The following KCTD1 variants were observed in gnomAD, a reference collection of about 807,000 sequenced individuals.
The protein encoded by KCTD1 is potassium channel tetramerization domain containing 1, also known as BTB/POZ domain-containing protein KCTD1.
KCTD1 carries 24 observed loss-of-function variants against 66.0 expected under a neutral mutation model. That is an observed-to-expected ratio of 0.36 (90% confidence interval 0.26 to 0.51). KCTD1 has a LOEUF of 0.51. Among genes scored for constraint, KCTD1 ranks in the 20% least tolerant of loss-of-function variants. KCTD1 has a pLI of 0.95. For missense variants in KCTD1, 943 were observed against 1,205.2 expected, an observed-to-expected ratio of 0.78 and a Z score of 3.22; for synonymous variants, 511 against 517.2, an observed-to-expected ratio of 0.99 and a Z score of 0.16.
chr18:26,553,574 T>C (rs1985627612), intron 1 of KCTD1, among the ~76,000 whole-genome samples: 1 of 152,226 alleles, frequency 6.6e-6, no homozygotes, highest in Non-Finnish European at 1.5e-5. Flanking sequence ...CCAGCCTACC[T>C]GGGTGTGAAT....
At chr18:26,607,473 A>G (rs1376833708) in intron 1 of KCTD1, among the ~76,000 whole-genome samples, 1 of 152,232 alleles carries the variant, frequency 6.6e-6, no homozygotes, top group Admixed American at 6.5e-5. Flanking sequence ...TATCTTTTGC[A>G]CAAATGAAAA....
intron 1 of KCTD1, among the ~76,000 whole-genome samples, chr18:26,525,273 C>T (rs1031760763): frequency 6.6e-6 from 1 of 152,188 alleles, no homozygotes; most frequent in Non-Finnish European, 1.5e-5. Context: ...AGTGTCCCCA[C>T]AGATCAAATC....
At chr18:26,649,201 T>C (rs969443136) in intron 1 of KCTD1, among the ~76,000 whole-genome samples, 2 of 152,194 alleles carry the variant, frequency 1.3e-5, no homozygotes, top group Non-Finnish European at 2.9e-5. Context: ...ACTGGGTTAT[T>C]ATCTTTACTA....
chr18:26,617,394 A>G lies in KCTD1; in HGVS notation c.-16+11753T>C, dbSNP rs188631725. On this transcript the variant is annotated intron_variant, in intron 1 of 4. Coordinates refer to the KCTD1 transcript ENST00000317932. The stretch of plus-strand genomic sequence containing the variant: ...TGTATCATAGCTGACGCTCCTCAAC[A>G]TATCTCTCTCCCATGCCGTGTTTGA... Among the ~76,000 whole-genome samples the G allele has an allele frequency of 2.6e-4, 40 of 152,324 alleles. 2 individuals carry two copies. The East Asian group carries it at 5.8e-3, about 22-fold the overall frequency.
intron 1 of KCTD1, among the ~76,000 whole-genome samples, chr18:26,512,391 C>A (rs1567974792): frequency 6.6e-6 from 1 of 151,762 alleles, no homozygotes; most frequent in Non-Finnish European, 1.5e-5. Context: ...GTGTGAGCCA[C>A]CGCACCTGGC....
rs1985369288 is a variant in KCTD1 at position 26,548,351 on chromosome 18, C to CTCCTCCTCT, written c.177_185dup (p.Glu61_Glu63dup). 1.2e-5 allele frequency: 18 copies of CTCCTCCTCT among 1,490,070 alleles called. No homozygotes were observed. Among genetic ancestry groups the CTCCTCCTCT allele is most frequent in the Non-Finnish European group, 1.6e-5 (18 of 1,121,852 alleles). 92.3% of individuals were successfully genotyped at this position (1,490,070 alleles called of 1,614,324 possible). A position where few individuals can be genotyped will look rare whatever the true frequency, so the allele number is the denominator to read the frequency against. On this transcript the variant is annotated inframe_insertion, in exon 1 of 5. Transcript: ENST00000580059. ...TCTGCACCTCCTGGATCTCGTCCTC[C>CTCCTCCTCT]TCCTCCTCTTCCTCCTCCTCCTCGC...
At chr18:26,572,921 T>G (rs1195512443) in intron 1 of KCTD1, among the ~76,000 whole-genome samples, 2 of 152,126 alleles carry the variant, frequency 1.3e-5, no homozygotes, top group African/African-American at 4.8e-5. Flanking sequence ...GGAAATGATT[T>G]TATATTAAGT....
At chr18:26,519,718 C>T (rs762182070) in intron 1 of KCTD1, among the ~76,000 whole-genome samples, 4 of 152,184 alleles carry the variant, frequency 2.6e-5, no homozygotes, top group Non-Finnish European at 4.4e-5. Flanking sequence ...TGATTACCAC[C>T]TCTCTCTCTA....
chr18:26,499,447 A>G (rs79478869), intron 2 of KCTD1, among the ~76,000 whole-genome samples: 1,838 of 152,342 alleles, frequency 0.012, 36 homozygotes, highest in African/African-American at 0.042. Context: ...ATAGATGACT[A>G]ATACAATCAT....
chr18:26,486,443 C>T (rs370130669), intron 2 of KCTD1, among the ~76,000 whole-genome samples: 10 of 152,204 alleles, frequency 6.6e-5, no homozygotes, highest in East Asian at 1.9e-4. Context: ...TTCTTCATCT[C>T]GCAGTTGCGC....
intron 1 of KCTD1, among the ~76,000 whole-genome samples, chr18:26,509,846 C>T (rs911851580): frequency 1.3e-5 from 2 of 152,166 alleles, no homozygotes; most frequent in Admixed American, 6.5e-5. Context: ...CTCAGCCGCC[C>T]GCCCCGTGCG....
At chr18:26,651,799 A>AAAGAAGAAGAAGAAGAAG (rs10530531) in intron 1 of KCTD1, among the ~76,000 whole-genome samples, 1 of 117,146 alleles carries the variant, frequency 8.5e-6, no homozygotes, top group African/African-American at 3.6e-5. Context: ...AAAAAAAAAA[A>AAAGAAGAAGAAGAAGAAG]AAGAAGAAGA....
At chr18:26,632,167 T>C (rs1053194497), upstream of KCTD1, among the ~76,000 whole-genome samples, 6 of 150,710 alleles carry the variant, frequency 4.0e-5, no homozygotes, top group Non-Finnish European at 8.9e-5. Context: ...GGCAGATCAC[T>C]TGAGGTCAGG....
intron 1 of KCTD1, among the ~76,000 whole-genome samples, chr18:26,539,662 C>T (rs1984881092): frequency 6.6e-6 from 1 of 152,204 alleles, no homozygotes. Context: ...ACAGTGCTCC[C>T]CCATTTACTC....
rs776923644 is a variant in KCTD1, at chr18:26,570,191, A to AAAT, written c.-16+58955_-16+58956insATT. ...ACAGAGCAAGACTCCATCTAAAAAA[A>AAAT]ATATATATATATATATATATATATG... is the stretch of plus-strand genomic sequence containing the variant. On this transcript the variant is annotated intron_variant, in intron 1 of 4. Coordinates refer to the KCTD1 transcript ENST00000317932. Among the ~76,000 whole-genome samples, 573 of 132,534 alleles carry AAAT rather than the reference A, an allele frequency of 4.3e-3. 4 individuals are homozygous for AAAT. The highest frequency in any genetic ancestry group is 0.013 in the African/African-American group (507 of 37,652). The allele number at this position is 132,534 out of a possible 152,430, so 86.9% of individuals were successfully genotyped here. A position where few individuals can be genotyped will look rare whatever the true frequency, so the allele number is the denominator to read the frequency against.
chr18:26,528,576 T>C (rs1030777876), intron 1 of KCTD1, among the ~76,000 whole-genome samples: 6 of 152,178 alleles, frequency 3.9e-5, no homozygotes, highest in African/African-American at 1.2e-4. Context: ...CTCTGCTGCC[T>C]GCCTCCTTGA....
chr18:26,547,634 G>C lies in KCTD1; in HGVS notation c.903C>G (p.Asn301Lys). ...CCTTGTTGAGCAGCCCGAAGGGCGT[G>C]TTGGTGCTGAAGACGCTGGAGGTGT... ...KLYTSSVFST[N>K]TPFGLLNKVW... is the part of the protein sequence containing the mutation. The change falls in exon 1 of 5, where the codon AAC becomes AAG. Residue 301 changes from asparagine (N) to lysine (K), a missense_variant. Physicochemically the swap from Asn to Lys is moderately conservative, Grantham distance 94 (BLOSUM62 0). Transcript: ENST00000580059. The C allele has an allele frequency of 6.4e-7, 1 of 1,551,630 alleles. No homozygotes were observed.
At chr18:26,651,119 C>A (rs1300004217) in intron 1 of KCTD1, among the ~76,000 whole-genome samples, 2 of 151,954 alleles carry the variant, frequency 1.3e-5, no homozygotes, top group African/African-American at 2.4e-5. Flanking sequence ...TGTTTTTTTT[C>A]TTTCTCTCTT....
At chr18:26,516,440 C>T (rs905549571) in intron 1 of KCTD1, among the ~76,000 whole-genome samples, 21 of 152,122 alleles carry the variant, frequency 1.4e-4, no homozygotes, top group African/African-American at 4.3e-4. Context: ...TCAGTCCTCC[C>T]GCCAACCAAT....
Sources: gnomAD v4.1 joint callset for allele counts (sites outside exome capture counted in the v4.1 genomes callset) on GRCh38, gnomAD v4.1.1 for gene constraint, MANE v1.5 for transcripts, NCBI Gene and HGNC (gene_info 2026-07-23, HGNC 2026-07-21) for gene names.